Variants in FREM3 observed in about 807,000 individuals in gnomAD.
The protein encoded by FREM3 is FRAS1-related extracellular matrix protein 3.
FREM3 carries 105 observed loss-of-function variants against 129.1 expected under a neutral mutation model. That is an observed-to-expected ratio of 0.81 (90% CI 0.69 to 0.96). FREM3 has a LOEUF of 0.96. FREM3 is among the 40% of genes least tolerant of loss of function. FREM3 has a pLI of 0.00. For missense variants in FREM3, 2,593 were observed against 2,666.3 expected, an observed-to-expected ratio of 0.97 and a Z score of 0.61; for synonymous variants, 1,014 against 1,044.9, an observed-to-expected ratio of 0.97 and a Z score of 0.57.
At position 143,698,251 on chromosome 4, in the gene FREM3, C is replaced by T. The variant is rs1017110571; in HGVS notation, c.2425G>A (p.Ala809Thr). 30 of 1,537,382 alleles carry T rather than the reference C, an allele frequency of 2.0e-5. No homozygotes were observed. The highest frequency in any genetic ancestry group is 2.5e-5 in the Non-Finnish European group (29 of 1,146,974). ...VVQFTYQVED[A>T]AGNSVPGTFT... ...GTGCCTGGCACGCTATTGCCTGCAG[C>T]ATCTTCCACCTGGTAAGTAAACTGC... The change falls in exon 1 of 8, where the codon GCT becomes ACT. Residue 809 changes from alanine (A) to threonine (T), a missense_variant. Ala to Thr is a moderately conservative substitution (Grantham distance 58). Transcript: ENST00000329798.
intron 4 of FREM3, among the ~76,000 whole-genome samples, chr4:143,623,459 A>G (rs1159583687): frequency 6.7e-6 from 1 of 149,142 alleles, no homozygotes; most frequent in Non-Finnish European, 1.5e-5. Flanking sequence ...TGTATAATCA[A>G]TGTGCTTAAT....
rs1739651089 is a variant in FREM3 at position 143,659,028 on chromosome 4, T to C, written c.5276-31268A>G. Among the ~76,000 whole-genome samples the C allele has an allele frequency of 3.0e-5, 3 of 98,452 alleles. 1 individual carries two copies. Among genetic ancestry groups the C allele is most frequent in the Non-Finnish European group, 7.7e-5 (3 of 39,164 alleles). 64.6% of individuals were successfully genotyped at this position (98,452 alleles called of 152,430 possible). On this transcript the variant is annotated intron_variant, in intron 2 of 7. Transcript: ENST00000329798. ...CATTCAGGTCTCAGATTATAGGTTA[T>C]TTTCTTTTTTTTTTTTTATGTGCCC... is the stretch of plus-strand genomic sequence containing the variant.
rs1247622561 is a variant in FREM3, at chr4:143,699,635, C to T, written c.1041G>A (p.Leu347=). ...GCCCTGGTGGGTGAGTGGGGGCGTTCAGAATGTTGAACACCAGGTCACCAG... is the reference window on the plus strand; with the variant it reads ...GCCCTGGTGGGTGAGTGGGGGCGTTTAGAATGTTGAACACCAGGTCACCAG... The part of the protein sequence containing the change: ...SDPGDLVFNI[L]NAPTHPPGHP... The change falls in exon 1 of 8, where the codon CTG becomes CTA. Residue 347 remains leucine (L), a synonymous_variant. Transcript: ENST00000329798. The surrounding 1 kb of genome is among the most constrained non-coding windows in gnomAD (Gnocchi z 4.2). The T allele has an allele frequency of 6.5e-7, 1 of 1,530,206 alleles. No homozygotes were observed. Among genetic ancestry groups the T allele is most frequent in the African/African-American group, 1.4e-5 (1 of 72,946 alleles). The allele number at this position is 1,530,206 out of a possible 1,614,324, so 94.8% of individuals were successfully genotyped here. A position where few individuals can be genotyped will look rare whatever the true frequency, so the allele number is the denominator to read the frequency against.
chr4:143,585,723 G>A lies in FREM3; in HGVS notation c.6178+121C>T. 1 of 980,112 alleles carries A rather than the reference G, an allele frequency of 1.0e-6. No individual in the cohort carries two copies. Among genetic ancestry groups the A allele is most frequent in the Non-Finnish European group, 1.5e-6 (1 of 683,896 alleles). The allele number at this position is 980,112 out of a possible 1,614,324, so 60.7% of individuals were successfully genotyped here. A position where few individuals can be genotyped will look rare whatever the true frequency, so the allele number is the denominator to read the frequency against. ...GTATACAAACCATCTACGTGCTGAA[G>A]CCAGAGAAACTTTCATTCAGAGTCC... On this transcript the variant is annotated intron_variant, in intron 7 of 7. Transcript: ENST00000329798. The surrounding 1 kb of genome is among the most constrained non-coding windows in gnomAD (Gnocchi z 4.2).
At chr4:143,611,145 A>G in intron 6 of FREM3, 134 bp downstream of exon 6, 1 of 951,002 alleles carries the variant, frequency 1.1e-6, no homozygotes, top group Non-Finnish European at 1.5e-6. Context: ...AGAGCTACTC[A>G]CAGTTTTTGG....
intron 2 of FREM3, among the ~76,000 whole-genome samples, chr4:143,667,967 ATT>A (rs1739894403): frequency 2.0e-5 from 3 of 152,234 alleles, no homozygotes; most frequent in African/African-American, 7.2e-5. Flanking sequence ...TCTTCAGTGC[ATT>A]TATTAGATAT....
At chr4:143,609,097 T>C (rs1292473405) in intron 6 of FREM3, among the ~76,000 whole-genome samples, 1 of 152,132 alleles carries the variant, frequency 6.6e-6, no homozygotes, top group Non-Finnish European at 1.5e-5. Flanking sequence ...TATTTCAAGA[T>C]TGGGAAACAG....
chr4:143,639,695 T>C (rs566551093), intron 2 of FREM3, among the ~76,000 whole-genome samples: 3 of 152,318 alleles, frequency 2.0e-5, no homozygotes, highest in Admixed American at 2.0e-4. Flanking sequence ...CTAGAAGGCA[T>C]ACAAACTGTC....
chr4:143,669,063 A>G (rs867361560), intron 2 of FREM3, among the ~76,000 whole-genome samples: 1 of 152,140 alleles, frequency 6.6e-6, no homozygotes, highest in Non-Finnish European at 1.5e-5. Context: ...TACGTATTGA[A>G]ACAGTGATTT....
intron 2 of FREM3, among the ~76,000 whole-genome samples, chr4:143,659,516 A>G (rs890539976): frequency 9.2e-5 from 14 of 151,994 alleles, no homozygotes; most frequent in African/African-American, 2.7e-4. Context: ...AGTCTTTGCT[A>G]TTGTGAATAG....
At position 143,699,589 on chromosome 4, in the gene FREM3, C is replaced by CGTAGCCCT. The variant is rs1740653022; in HGVS notation, c.1079_1086dup (p.Val363ArgfsTer11). The CGTAGCCCT allele has an allele frequency of 6.5e-7, 1 of 1,532,450 alleles. No individual in the cohort carries two copies. Among genetic ancestry groups the CGTAGCCCT allele is most frequent in the African/African-American group, 1.4e-5 (1 of 72,942 alleles). The allele number at this position is 1,532,450 out of a possible 1,614,324, so 94.9% of individuals were successfully genotyped here. On this transcript the variant is annotated frameshift_variant, in exon 1 of 8. Coordinates refer to ENST00000329798, the MANE Select transcript of FREM3 (RefSeq NM_001168235.2). LOFTEE classifies it high-confidence loss of function. The surrounding 1 kb of genome is among the most constrained non-coding windows in gnomAD (Gnocchi z 4.2). Reference sequence around the variant, plus strand: ...CCTAGAGGGTCGTCGGTGCTGACCACGTAGCCCTGTTGCCCCGGGTGCCCT... The same window carrying CGTAGCCCT: ...CCTAGAGGGTCGTCGGTGCTGACCACGTAGCCCTGTAGCCCTGTTGCCCCGGGTGCCCT...
At chr4:143,690,003 A>G (rs995331638) in intron 2 of FREM3, among the ~76,000 whole-genome samples, 1 of 121,062 alleles carries the variant, frequency 8.3e-6, no homozygotes, top group African/African-American at 3.2e-5. Flanking sequence ...ACCACCAAAA[A>G]CTTATGGAAA....
rs1358680272 is a variant in FREM3, at chr4:143,696,612, A to G, written c.4064T>C (p.Leu1355Pro). The G allele has an allele frequency of 5.9e-6, 9 of 1,537,626 alleles. No individual in the cohort carries two copies. Among genetic ancestry groups the G allele is most frequent in the Non-Finnish European group, 7.8e-6 (9 of 1,147,008 alleles). ...TCCTCTGGGTTTTCTCAGCCTCTGT[A>G]GAAGCCCTTGTTGAGGCCCAGAATG... ...VLHSGPQQGL[L>P]QRLRKPRGEV... The change falls in exon 1 of 8, where the codon CTA becomes CCA. Residue 1355 changes from leucine (L) to proline (P), a missense_variant. By Grantham distance (98) the Leu-to-Pro change is moderately conservative. Coordinates refer to ENST00000329798, the MANE Select transcript of FREM3 (RefSeq NM_001168235.2).
chr4:143,662,013 A>C (rs1438895613), intron 2 of FREM3, among the ~76,000 whole-genome samples: 2 of 151,140 alleles, frequency 1.3e-5, no homozygotes, highest in Non-Finnish European at 3.0e-5. Context: ...GCAGTCTATC[A>C]ATTTTGTTGA....
chr4:143,587,256 T>C (rs1445960962), intron 6 of FREM3, among the ~76,000 whole-genome samples: 2 of 152,182 alleles, frequency 1.3e-5, no homozygotes, highest in Non-Finnish European at 2.9e-5. Flanking sequence ...ACTTTATTGA[T>C]AAAGAGTTGC....
intron 5 of FREM3, among the ~76,000 whole-genome samples, 177 bp downstream of exon 5, chr4:143,620,860 G>A (rs765679228): frequency 1.3e-5 from 2 of 152,176 alleles, no homozygotes; most frequent in Non-Finnish European, 1.5e-5. Context: ...GCTCAGAGGA[G>A]TAGGGCACCT....
intron 2 of FREM3, among the ~76,000 whole-genome samples, chr4:143,672,004 G>A (rs1418613088): frequency 1.3e-5 from 2 of 152,190 alleles, no homozygotes; most frequent in Non-Finnish European, 2.9e-5. Context: ...GCTCTATCAT[G>A]TGACATAGAG....
At chr4:143,650,751 C>A (rs563081842) in intron 2 of FREM3, among the ~76,000 whole-genome samples, 1 of 152,336 alleles carries the variant, frequency 6.6e-6, no homozygotes, top group South Asian at 2.1e-4. Flanking sequence ...CTTGGCCTCT[C>A]AAAGTGCTAG....
intron 7 of FREM3, among the ~76,000 whole-genome samples, chr4:143,583,047 A>AT (rs1300577416): frequency 1.3e-5 from 2 of 151,818 alleles, no homozygotes; most frequent in Admixed American, 1.3e-4. Flanking sequence ...TGCCGGGCTA[A>AT]TTTTTTTGTA....
Sources: allele counts gnomAD v4.1 joint callset (sites outside exome capture counted in the v4.1 genomes callset), GRCh38; gene constraint gnomAD v4.1.1; non-coding constraint Gnocchi (gnomAD v3.1); transcripts MANE v1.5; gene names NCBI Gene and HGNC (gene_info 2026-07-23, HGNC 2026-07-21).